Variants in SLIT3 observed in about 807,000 individuals in gnomAD.
The protein encoded by SLIT3 is slit guidance ligand 3.
Under a neutral mutation model 184.0 loss-of-function variants are expected in SLIT3, and 68 were observed. The observed-to-expected ratio is 0.37, with a 90% CI of 0.30 to 0.45. SLIT3 has a LOEUF of 0.45. Among genes scored for constraint, SLIT3 ranks in the 20% least tolerant of loss-of-function variants. SLIT3 has a pLI of 1.00. For missense variants in SLIT3, 1,707 were observed against 2,026.0 expected (o/e 0.84, Z 3.02); for synonymous variants, 831 against 828.6 (o/e 1.00, Z -0.05).
At chr5:168,950,167 A>G (rs920267821) in intron 4 of SLIT3, among the ~76,000 whole-genome samples, 1 of 152,074 alleles carries the variant, frequency 6.6e-6, no homozygotes, top group Non-Finnish European at 1.5e-5. Flanking sequence ...CATGAATGAA[A>G]TTGTGCCCTT....
At chr5:168,948,027 A>G (rs1158146060) in intron 4 of SLIT3, among the ~76,000 whole-genome samples, 1 of 151,976 alleles carries the variant, frequency 6.6e-6, no homozygotes, top group African/African-American at 2.4e-5. Flanking sequence ...CCTGACCTCA[A>G]GTGATCCGCC....
chr5:169,033,028 G>A (rs1259115675), intron 4 of SLIT3, among the ~76,000 whole-genome samples: 3 of 142,730 alleles, frequency 2.1e-5, no homozygotes, highest in Non-Finnish European at 3.0e-5. Flanking sequence ...ATAGTCTTCC[G>A]GTTGTACATT....
intron 4 of SLIT3, among the ~76,000 whole-genome samples, chr5:169,187,327 G>A (rs1485715241): frequency 6.6e-6 from 1 of 151,408 alleles, no homozygotes; most frequent in Non-Finnish European, 1.5e-5. Context: ...TGGCCAGGAT[G>A]GTCTCTATCT....
At chr5:168,688,591 G>A (rs577006769) in intron 29 of SLIT3, among the ~76,000 whole-genome samples, 1 of 152,330 alleles carries the variant, frequency 6.6e-6, no homozygotes, top group African/African-American at 2.4e-5. Flanking sequence ...TCCTGAAACT[G>A]AGGACTTACT....
At chr5:168,684,266 C>T (rs1761679251) in intron 31 of SLIT3, among the ~76,000 whole-genome samples, 170 bp from the exon 32 acceptor site, 1 of 152,094 alleles carries the variant, frequency 6.6e-6, no homozygotes, top group Non-Finnish European at 1.5e-5. Context: ...AAGGTAAGGC[C>T]TAGACTTACA....
At chr5:168,988,927 C>T (rs1755223865) in intron 4 of SLIT3, among the ~76,000 whole-genome samples, 1 of 152,206 alleles carries the variant, frequency 6.6e-6, no homozygotes, top group African/African-American at 2.4e-5. Flanking sequence ...TCACTGTTCA[C>T]TGCAGAAAGT....
chr5:169,161,699 A>G (rs1483112086), intron 4 of SLIT3, among the ~76,000 whole-genome samples: 3 of 152,018 alleles, frequency 2.0e-5, no homozygotes, highest in Non-Finnish European at 4.4e-5. Flanking sequence ...TGAACTAGAA[A>G]AATAATCTCT....
intron 4 of SLIT3, among the ~76,000 whole-genome samples, chr5:168,923,516 C>CTT (rs35732966): frequency 1.9e-4 from 25 of 134,342 alleles, no homozygotes; most frequent in South Asian, 2.4e-4. Flanking sequence ...TCCTAAATAT[C>CTT]TTTTTTTTTT....
chr5:169,214,535 G>T (rs4867756), intron 3 of SLIT3, among the ~76,000 whole-genome samples: 46,288 of 152,058 alleles, frequency 0.3, 8,034 homozygotes, highest in East Asian at 0.69. Flanking sequence ...CAAAGGGGAG[G>T]TGCGGCAAAT....
intron 4 of SLIT3, among the ~76,000 whole-genome samples, chr5:169,021,273 A>G (rs1333682541): frequency 6.6e-6 from 1 of 152,188 alleles, no homozygotes; most frequent in East Asian, 1.9e-4. Context: ...AGGGATGGGC[A>G]AGGGGCAGGT....
chr5:168,823,451 C>T, intron 6 of SLIT3, 120 bp from the exon 7 acceptor site: 1 of 777,748 alleles, frequency 1.3e-6, no homozygotes, highest in South Asian at 1.4e-5. Flanking sequence ...ACAGTCATGG[C>T]CCAGCCAGTG....
At chr5:169,219,206 C>T (rs551729477) in intron 3 of SLIT3, among the ~76,000 whole-genome samples, 4 of 152,180 alleles carry the variant, frequency 2.6e-5, no homozygotes, top group Admixed American at 2.0e-4. Flanking sequence ...CCACAGGAGA[C>T]GACTGTCCCA....
At chr5:168,893,801 T>C (rs1489830567) in intron 4 of SLIT3, among the ~76,000 whole-genome samples, 3 of 152,208 alleles carry the variant, frequency 2.0e-5, no homozygotes, top group African/African-American at 4.8e-5. Context: ...CTGTGATTAA[T>C]TGCTGACCTG....
At chr5:169,056,502 A>G (rs1307278865) in intron 4 of SLIT3, among the ~76,000 whole-genome samples, 1 of 152,172 alleles carries the variant, frequency 6.6e-6, no homozygotes, top group African/African-American at 2.4e-5. Flanking sequence ...TGATTTTGAC[A>G]CCACATTGCC....
At chr5:168,987,402 A>G (rs1425890538) in intron 4 of SLIT3, among the ~76,000 whole-genome samples, 2 of 152,192 alleles carry the variant, frequency 1.3e-5, no homozygotes, top group African/African-American at 4.8e-5. Flanking sequence ...CTAGTGGTCC[A>G]GACCATGAGC....
chr5:168,770,675 G>T (rs1331382932), intron 14 of SLIT3, among the ~76,000 whole-genome samples: 2 of 151,722 alleles, frequency 1.3e-5, no homozygotes, highest in African/African-American at 4.8e-5. Context: ...TTTAAAAAAG[G>T]TATCTTAGAG....
intron 4 of SLIT3, among the ~76,000 whole-genome samples, chr5:169,042,907 T>C (rs888500778): frequency 1.3e-5 from 2 of 152,184 alleles, no homozygotes; most frequent in Non-Finnish European, 2.9e-5. Flanking sequence ...ACTATCGGCT[T>C]CCTTAAAAAT....
intron 4 of SLIT3, among the ~76,000 whole-genome samples, chr5:169,147,968 C>T (rs1392585446): frequency 1.3e-5 from 2 of 152,144 alleles, no homozygotes; most frequent in Non-Finnish European, 2.9e-5. Flanking sequence ...AAGGAAGCCC[C>T]CTTTTTTTCT....
chr5:169,246,921 CAAAAA>C (rs34365189), intron 2 of SLIT3, among the ~76,000 whole-genome samples: 2 of 25,604 alleles, frequency 7.8e-5, no homozygotes, highest in African/African-American at 3.4e-4. Context: ...GACTCTGTCT[CAAAAA>C]AAAAAAAAAA....
Sources: gnomAD v4.1 joint callset for allele counts (sites outside exome capture counted in the v4.1 genomes callset) on GRCh38, gnomAD v4.1.1 for gene constraint, MANE v1.5 for transcripts, NCBI Gene and HGNC (gene_info 2026-07-23, HGNC 2026-07-21) for gene names.